PLEKHG4B: variants seen among roughly 807,000 people sequenced by gnomAD.
PLEKHG4B encodes the protein pleckstrin homology and RhoGEF domain containing G4B.
Under a neutral mutation model 121.3 loss-of-function variants are expected in PLEKHG4B, and 111 were observed. That is an observed-to-expected ratio of 0.92 (90% CI 0.78 to 1.07). The LOEUF is 1.07. PLEKHG4B is among the 50% of genes least tolerant of loss of function. The pLI is 0.00. For synonymous variants in PLEKHG4B, 738 were observed against 725.0 expected (o/e 1.02, Z -0.29); for missense variants, 1,831 against 1,757.8 (o/e 1.04, Z -0.74).
rs576312523 is a variant in PLEKHG4B at position 163,267 on chromosome 5, G to C, written c.3195G>C (p.Gln1065His). The change falls in exon 13 of 20, where the codon CAG becomes CAC. Residue 1065 changes from glutamine to histidine, a missense_variant. Physicochemically the swap from Gln to His is conservative, Grantham distance 24 (BLOSUM62 0). Transcript: ENST00000637938. ...DSSACSSEPT[Q>H]TLASRPRKHP... ...CTGCCTGTTCCTCTGAGCCCACCCA[G>C]ACCCTGGCCAGCCGCCCCAGGAAAC... 6.2e-6 allele frequency: 10 copies of C among 1,612,848 alleles called. No individual in the cohort carries two copies. The South Asian group carries it at 1.1e-4, about 18-fold the overall frequency.
chr5:154,190 G>T (rs1735690645), intron 7 of PLEKHG4B, among the ~76,000 whole-genome samples: 1 of 151,798 alleles, frequency 6.6e-6, no homozygotes, highest in African/African-American at 2.4e-5. Context: ...ATTTTTAGTA[G>T]AGACGGGGTT....
At chr5:150,126 A>C (rs72710845) in intron 6 of PLEKHG4B, among the ~76,000 whole-genome samples, 9,466 of 152,344 alleles carry the variant, frequency 0.062, 437 homozygotes, top group Non-Finnish European at 0.09. Flanking sequence ...GCCCATCAAC[A>C]GATGAATGGA....
At chr5:138,659 C>T (rs1052990615) in intron 2 of PLEKHG4B, among the ~76,000 whole-genome samples, 7 of 152,160 alleles carry the variant, frequency 4.6e-5, no homozygotes, top group African/African-American at 1.4e-4. Context: ...GCACCAACAC[C>T]TAAGGCATGT....
chr5:154,430 G>C (rs986291990), intron 7 of PLEKHG4B, among the ~76,000 whole-genome samples: 1 of 152,052 alleles, frequency 6.6e-6, no homozygotes, highest in Non-Finnish European at 1.5e-5. Flanking sequence ...GCCACTGTGG[G>C]AACTCGCCCC....
Position 176,221 on chromosome 5 carries a change from C to T in PLEKHG4B, c.4402+2123C>T, listed in dbSNP as rs567989653. On this transcript the variant is annotated intron_variant, in intron 18 of 19. Transcript: ENST00000637938. ...GTTACTTGGCCAGAGGCCTCACCTC[C>T]GAGATGCCACCATCCTGAAGAGCCT... 2.3e-4 allele frequency among the ~76,000 whole-genome samples: 20 copies of T among 85,646 alleles called. 1 individual carries two copies. Among genetic ancestry groups the T allele is most frequent in the African/African-American group, 5.4e-4 (17 of 31,598 alleles). The allele number at this position is 85,646 out of a possible 152,430, so 56.2% of individuals were successfully genotyped here.
intron 1 of PLEKHG4B, among the ~76,000 whole-genome samples, chr5:96,600 A>T (rs552781282): frequency 3.3e-5 from 5 of 152,318 alleles, no homozygotes; most frequent in African/African-American, 9.6e-5. Flanking sequence ...AAGATTAAAG[A>T]AGACCTCACT....
At position 185,032 on chromosome 5, in the gene PLEKHG4B, C is replaced by T. The variant is rs147937725; in HGVS notation, c.*2709C>T. The T allele has an allele frequency of 0.017, 2,652 of 152,218 alleles. 37 individuals carry two copies. The highest frequency in any genetic ancestry group is 0.029 in the Non-Finnish European group (1,980 of 68,016). The allele number at this position is 152,218 out of a possible 1,614,324, so 9.4% of individuals were successfully genotyped here. On this transcript the variant is annotated 3_prime_UTR_variant, in exon 20 of 20. Coordinates refer to ENST00000637938, the MANE Select transcript of PLEKHG4B (RefSeq NM_052909.5). ...TCACTTGAAGGTAGATTGTGGTAAG[C>T]TAAAGATGTACTGATAAACCCTTGA...
chr5:162,643 TG>T (rs1736056760), intron 12 of PLEKHG4B, 78 bp from the exon 13 acceptor site: 2 of 1,093,124 alleles, frequency 1.8e-6, no homozygotes, highest in South Asian at 3.4e-5. Flanking sequence ...TAGGCTGACC[TG>T]GGGAACAGCA....
intron 13 of PLEKHG4B, among the ~76,000 whole-genome samples, chr5:164,696 ACTAATGCTCTGACGGGGCGGAGCTCAC>A (rs1736210485): frequency 2.3e-5 from 2 of 88,004 alleles, no homozygotes; most frequent in African/African-American, 5.9e-5. Flanking sequence ...CGGAGCTCAC[ACTAATGCTCTGACGGGGCGGAGCTCAC>A]ACTAATACTC....
intron 1 of PLEKHG4B, among the ~76,000 whole-genome samples, chr5:107,871 C>G (rs1734022596): frequency 6.6e-6 from 1 of 152,180 alleles, no homozygotes; most frequent in African/African-American, 2.4e-5. Context: ...GGCTGGGGCA[C>G]CAGCTTGGGT....
chr5:135,187 C>CAAAAAAAAAAAAAAAAAAAAAAAA (rs35601775), intron 2 of PLEKHG4B, among the ~76,000 whole-genome samples: 2 of 48,776 alleles, frequency 4.1e-5, no homozygotes, highest in African/African-American at 1.3e-4. Context: ...GACTCCAGCT[C>CAAAAAAAAAAAAAAAAAAAAAAAA]AAAAAAAAAA....
chr5:168,596 G>T (rs1736429715), intron 13 of PLEKHG4B, among the ~76,000 whole-genome samples: 1 of 152,224 alleles, frequency 6.6e-6, no homozygotes, highest in African/African-American at 2.4e-5. Context: ...AATGAAACCA[G>T]CTGGGAACGA....
intron 2 of PLEKHG4B, among the ~76,000 whole-genome samples, chr5:126,715 G>T (rs1435789781): frequency 6.6e-6 from 1 of 152,132 alleles, no homozygotes; most frequent in Non-Finnish European, 1.5e-5. Context: ...AATACCCGGG[G>T]TTCATCATCT....
chr5:141,725 T>C (rs1335120128), intron 3 of PLEKHG4B, among the ~76,000 whole-genome samples: 1 of 151,268 alleles, frequency 6.6e-6, no homozygotes. Flanking sequence ...TTTTTTTTTT[T>C]TTTTTTTGAG....
At position 164,939 on chromosome 5, in the gene PLEKHG4B, C is replaced by CAG. The variant is rs1382385079; in HGVS notation, c.3476+1391_3476+1392insAG. On this transcript the variant is annotated intron_variant, in intron 13 of 19. Coordinates refer to ENST00000637938, the MANE Select transcript of PLEKHG4B (RefSeq NM_052909.5). ...GGCGGAGCTCACACTAATGCTGTGACGGGGCGGGGCTTACACACTAATGCT... is the reference window on the plus strand; with the variant it reads ...GGCGGAGCTCACACTAATGCTGTGACAGGGGGCGGGGCTTACACACTAATGCT... Among the ~76,000 whole-genome samples, 7 of 49,092 alleles carry CAG rather than the reference C, an allele frequency of 1.4e-4. 2 individuals are homozygous for CAG. Among genetic ancestry groups the CAG allele is most frequent in the African/African-American group, 3.2e-4 (4 of 12,664 alleles). 32.2% of individuals were successfully genotyped at this position (49,092 alleles called of 152,430 possible).
At chr5:104,951 C>T (rs926985651) in intron 1 of PLEKHG4B, among the ~76,000 whole-genome samples, 4 of 152,232 alleles carry the variant, frequency 2.6e-5, no homozygotes, top group African/African-American at 7.2e-5. Flanking sequence ...GAGGGCTGTT[C>T]CAGTTCTGGT....
rs111756601 is a variant in PLEKHG4B at position 159,451 on chromosome 5, C to T, written c.2488-2332C>T. Among the ~76,000 whole-genome samples the T allele has an allele frequency of 3.1e-3, 468 of 152,320 alleles. 1 individual carries two copies. The highest frequency in any genetic ancestry group is 0.01 in the African/African-American group (423 of 41,564). ...TCTGTCCTGTTGCCTTAATTTTCCC[C>T]ACCCCTGGCTGTGTGCTGTCCTTGT... On this transcript the variant is annotated intron_variant, in intron 11 of 19. Transcript: ENST00000637938. The surrounding 1 kb of genome is among the most constrained non-coding windows in gnomAD (Gnocchi z 5.5).
intron 18 of PLEKHG4B, among the ~76,000 whole-genome samples, chr5:181,292 C>T (rs1736926169): frequency 6.6e-6 from 1 of 152,164 alleles, no homozygotes; most frequent in African/African-American, 2.4e-5. Flanking sequence ...CTTCCTTTTT[C>T]TTGGTTACTG....
At chr5:147,614 A>C (rs1256481218) in intron 6 of PLEKHG4B, among the ~76,000 whole-genome samples, 1 of 152,196 alleles carries the variant, frequency 6.6e-6, no homozygotes, top group Non-Finnish European at 1.5e-5. Context: ...AGCTTCTCTA[A>C]CACAAGGTAG....
Sources: gnomAD v4.1 joint callset for allele counts (sites outside exome capture counted in the v4.1 genomes callset) on GRCh38, gnomAD v4.1.1 for gene constraint, Gnocchi (gnomAD v3.1) non-coding constraint, MANE v1.5 for transcripts, NCBI Gene and HGNC (gene_info 2026-07-23, HGNC 2026-07-21) for gene names.